The following PAM variants were observed in gnomAD, a reference collection of about 807,000 sequenced individuals.
PAM encodes the protein peptidyl-glycine alpha-amidating monooxygenase.
A neutral mutation model predicts 122.1 loss-of-function variants in PAM; 72 were observed. The ratio of observed to expected loss-of-function variants is 0.59; its 90% CI spans 0.49 to 0.72. The LOEUF (loss-of-function observed/expected upper bound fraction) is 0.72, where lower values mean the gene tolerates loss of function less well. Among genes scored for constraint, PAM ranks in the 30% least tolerant of loss-of-function variants. The pLI is 0.00. For missense variants in PAM, 1,106 were observed against 1,183.7 expected (o/e 0.93, Z 0.96); for synonymous variants, 389 against 404.4 (o/e 0.96, Z 0.46).
At chr5:102,872,669 A>T (rs2151022497) in intron 3 of PAM, among the ~76,000 whole-genome samples, 1 of 152,312 alleles carries the variant, frequency 6.6e-6, no homozygotes, top group South Asian at 2.1e-4. Flanking sequence ...GTTGCTCAGA[A>T]TATCTGTTTT....
intron 15 of PAM, among the ~76,000 whole-genome samples, chr5:102,976,384 C>T (rs946543183): frequency 3.3e-5 from 5 of 151,442 alleles, no homozygotes; most frequent in African/African-American, 9.7e-5. Context: ...CAGAGGAAAA[C>T]CTATCCTCAG....
At chr5:102,913,295 G>A (rs1159682980) in intron 4 of PAM, among the ~76,000 whole-genome samples, 4 of 151,800 alleles carry the variant, frequency 2.6e-5, no homozygotes, top group African/African-American at 9.7e-5. Flanking sequence ...ACTATTATTA[G>A]GAGAAAACGA....
intron 1 of PAM, among the ~76,000 whole-genome samples, chr5:102,831,711 TTC>T (rs1775508281): frequency 6.6e-6 from 1 of 152,168 alleles, no homozygotes; most frequent in South Asian, 2.1e-4. Context: ...CACAGTAAAT[TTC>T]TAACAATGAT....
At chr5:102,769,141 A>G (rs1201745677) in intron 1 of PAM, among the ~76,000 whole-genome samples, 3 of 151,980 alleles carry the variant, frequency 2.0e-5, no homozygotes, top group East Asian at 1.9e-4. Context: ...TGTCATTTGT[A>G]TGTCTTTTTT....
chr5:102,971,443 A>G (rs1356547631), intron 14 of PAM, among the ~76,000 whole-genome samples: 1 of 152,164 alleles, frequency 6.6e-6, no homozygotes, highest in African/African-American at 2.4e-5. Context: ...GTGTATTTGA[A>G]TTGAGGAGTT....
intron 1 of PAM, among the ~76,000 whole-genome samples, chr5:102,860,085 TC>T (rs1783744357): frequency 6.6e-6 from 1 of 152,224 alleles, no homozygotes; most frequent in Non-Finnish European, 1.5e-5. Flanking sequence ...AATTTGCTGT[TC>T]AAAAATTGAT....
At position 102,949,634 on chromosome 5, in the gene PAM, T is replaced by C; in HGVS notation, c.724+17T>C. On this transcript the variant is annotated intron_variant, in intron 10 of 25. Coordinates refer to ENST00000438793, the MANE Select transcript of PAM (RefSeq NM_001177306.2). ...ACCATTTAGGTAAGAACTTTACATG[T>C]TAAATTATAAATATTTACCATTGTG... is the stretch of plus-strand genomic sequence containing the variant. The C allele has an allele frequency of 1.7e-6, 2 of 1,162,600 alleles. No homozygotes were observed. The highest frequency in any genetic ancestry group is 2.5e-5 in the South Asian group (2 of 80,196). The allele number at this position is 1,162,600 out of a possible 1,614,324, so 72.0% of individuals were successfully genotyped here.
Position 102,946,884 on chromosome 5 carries a change from C to A in PAM, c.574C>A (p.Pro192Thr). Reference protein sequence around the residue: ...SGVSLHLTRLPQPLIAGMYLM... With the variant: ...SGVSLHLTRLTQPLIAGMYLM... ...TGTGTCCTTACACCTCACACGTCTG[C>A]CGTAAGTACTTCCATTTTTCCTAGA... Residue 192 changes from proline to threonine, a missense_variant and splice_region_variant, in exon 8 of 26, where the codon CCA becomes ACA. By Grantham distance (38) the Pro-to-Thr change is conservative. Around this residue, in one of 3 missense-constraint regions of PAM, gnomAD observed 670 missense variants for 690.3 expected, o/e 0.97. Transcript: ENST00000438793. The A allele has an allele frequency of 1.3e-6, 2 of 1,594,658 alleles. No individual in the cohort carries two copies. The highest frequency in any genetic ancestry group is 2.2e-5 in the South Asian group (2 of 90,278).
intron 1 of PAM, among the ~76,000 whole-genome samples, chr5:102,844,908 G>A (rs1779593973): frequency 6.6e-6 from 1 of 152,126 alleles, no homozygotes; most frequent in Admixed American, 6.5e-5. Context: ...TTACATACAG[G>A]ACTTGGGAGC....
intron 4 of PAM, among the ~76,000 whole-genome samples, chr5:102,910,971 AT>A (rs1801228862): frequency 6.6e-6 from 1 of 152,014 alleles, no homozygotes; most frequent in Admixed American, 6.6e-5. Context: ...GCCAGGCATA[AT>A]CAGCAGGAAT....
chr5:102,817,603 AT>A (rs1770321050), intron 1 of PAM, among the ~76,000 whole-genome samples: 1 of 152,180 alleles, frequency 6.6e-6, no homozygotes. Context: ...TATGGTTCAC[AT>A]TATATTTTTA....
At chr5:102,942,263 T>G (rs537069803) in intron 7 of PAM, among the ~76,000 whole-genome samples, 24 of 152,204 alleles carry the variant, frequency 1.6e-4, no homozygotes, top group South Asian at 2.1e-4. Flanking sequence ...CTACTCCTGC[T>G]TGATCACCTT....
At chr5:103,023,578 C>T (rs899613163) in intron 23 of PAM, among the ~76,000 whole-genome samples, 33 of 151,326 alleles carry the variant, frequency 2.2e-4, no homozygotes, top group African/African-American at 7.5e-4. Flanking sequence ...AGAAACTAGA[C>T]ATAGAAAAGT....
intron 16 of PAM, among the ~76,000 whole-genome samples, chr5:102,991,702 A>G (rs1774133050): frequency 1.3e-5 from 2 of 152,160 alleles, no homozygotes; most frequent in Non-Finnish European, 2.9e-5. Flanking sequence ...TGGAATCTGA[A>G]AAAGATCACT....
intron 1 of PAM, among the ~76,000 whole-genome samples, chr5:102,826,458 C>T (rs377023062): frequency 6.6e-6 from 1 of 152,252 alleles, no homozygotes; most frequent in South Asian, 2.1e-4. Context: ...TGGTATAAAA[C>T]AACCGAGGAG....
At chr5:102,801,935 C>A (rs1037987814) in intron 1 of PAM, among the ~76,000 whole-genome samples, 1 of 150,842 alleles carries the variant, frequency 6.6e-6, no homozygotes, top group African/African-American at 2.4e-5. Flanking sequence ...CCCGCCACCA[C>A]GCCCGGCTAA....
chr5:102,818,780 G>C (rs1016861711), intron 1 of PAM, among the ~76,000 whole-genome samples: 6 of 152,080 alleles, frequency 3.9e-5, no homozygotes, highest in Non-Finnish European at 7.4e-5. Flanking sequence ...ATCCTTCAGA[G>C]CAGGTGTCAT....
At chr5:102,973,926 T>C (rs1766707950) in intron 14 of PAM, among the ~76,000 whole-genome samples, 190 bp from the exon 15 acceptor site, 1 of 152,214 alleles carries the variant, frequency 6.6e-6, no homozygotes, top group African/African-American at 2.4e-5. Context: ...AAATAGATGA[T>C]ATATGAAATA....
intron 1 of PAM, among the ~76,000 whole-genome samples, chr5:102,801,467 G>A (rs1438483571): frequency 6.6e-6 from 1 of 152,140 alleles, no homozygotes; most frequent in African/African-American, 2.4e-5. Flanking sequence ...GCCTTAATCA[G>A]TTAAACAGAA....
Sources: gnomAD v4.1 joint callset for allele counts (sites outside exome capture counted in the v4.1 genomes callset) on GRCh38, gnomAD v4.1.1 for gene constraint, gnomAD v4.1.1 regional missense constraint, MANE v1.5 for transcripts, NCBI Gene and HGNC (gene_info 2026-07-23, HGNC 2026-07-21) for gene names.